ANKFN1: variants seen among roughly 807,000 people sequenced by gnomAD.
ANKFN1 encodes ankyrin repeat and fibronectin type-III domain-containing protein 1.
ANKFN1 carries 74 observed loss-of-function variants against 108.7 expected under a neutral mutation model. The observed-to-expected ratio is 0.68, with a 90% CI of 0.56 to 0.83. The LOEUF (loss-of-function observed/expected upper bound fraction) is 0.83. Ranked by LOEUF, ANKFN1 falls within the 40% of genes least tolerant of loss-of-function variation. The pLI is 0.00. For missense variants in ANKFN1, 1,505 were observed against 1,382.3 expected, an observed-to-expected ratio of 1.09 and a Z score of -1.41; for synonymous variants, 547 against 516.2, an observed-to-expected ratio of 1.06 and a Z score of -0.81.
intron 3 of ANKFN1, among the ~76,000 whole-genome samples, chr17:56,239,749 A>T (rs1169547933): frequency 1.3e-5 from 2 of 152,074 alleles, no homozygotes; most frequent in Non-Finnish European, 2.9e-5. Flanking sequence ...GAAGAAAAAA[A>T]ATTCACATGG....
chr17:56,207,833 C>T (rs1015357404), intron 1 of ANKFN1, among the ~76,000 whole-genome samples: 1 of 152,078 alleles, frequency 6.6e-6, no homozygotes, highest in Non-Finnish European at 1.5e-5. Context: ...TTTAGATCCT[C>T]CTTAATAATA....
rs906158354 is a variant in ANKFN1, at chr17:56,386,214, C to T, written c.910+11500C>T. On this transcript the variant is annotated intron_variant, in intron 8 of 20. Coordinates refer to ENST00000682825, the MANE Select transcript of ANKFN1 (RefSeq NM_001370326.1). The stretch of plus-strand genomic sequence containing the variant: ...GAAATCATCATTCTCAGTAAACTAT[C>T]GCAAGGACAAAAAACCAAACACCAT... Among the ~76,000 whole-genome samples, 119 of 151,624 alleles carry T rather than the reference C, an allele frequency of 7.8e-4. 3 individuals carry two copies. In the East Asian group the frequency reaches 0.018, roughly 23 times the overall value.
intron 8 of ANKFN1, among the ~76,000 whole-genome samples, chr17:56,387,887 A>G (rs1357092430): frequency 6.6e-6 from 1 of 152,154 alleles, no homozygotes; most frequent in African/African-American, 2.4e-5. Flanking sequence ...AAGGGTATAT[A>G]GTTAACTTAT....
chr17:56,076,775 C>A (rs962416971), intron 4 of ANKFN1, among the ~76,000 whole-genome samples: 1 of 151,998 alleles, frequency 6.6e-6, no homozygotes, highest in African/African-American at 2.4e-5. Flanking sequence ...TAATTATTAT[C>A]ATATGCAGGT....
chr17:56,254,879 C>T (rs1343001885), intron 3 of ANKFN1, among the ~76,000 whole-genome samples: 2 of 152,174 alleles, frequency 1.3e-5, no homozygotes, highest in East Asian at 3.9e-4. Context: ...GTAGCCATGG[C>T]TGCAAATATA....
At chr17:56,370,171 T>C (rs1315870836) in intron 6 of ANKFN1, among the ~76,000 whole-genome samples, 1 of 152,178 alleles carries the variant, frequency 6.6e-6, no homozygotes, top group Non-Finnish European at 1.5e-5. Context: ...GTAAATAATC[T>C]TGCAGAGCTC....
chr17:56,364,469 T>C lies in ANKFN1; in HGVS notation c.602-8177T>C, dbSNP rs1185486277. 1.3e-5 allele frequency among the ~76,000 whole-genome samples: 2 copies of C among 152,368 alleles called. 1 individual carries two copies. Among genetic ancestry groups the C allele is most frequent in the South Asian group, 4.1e-4 (2 of 4,832 alleles). ...ATTGTCATTACTAGGAAATTTTAAA[T>C]GATGTGGCTCACACTATATGTCTAT... is the stretch of plus-strand genomic sequence containing the variant. On this transcript the variant is annotated intron_variant, in intron 6 of 20. Transcript: ENST00000682825.
At chr17:56,259,382 G>A (rs2043443470) in intron 3 of ANKFN1, among the ~76,000 whole-genome samples, 1 of 152,198 alleles carries the variant, frequency 6.6e-6, no homozygotes, top group Admixed American at 6.5e-5. Flanking sequence ...AGAGATTAAT[G>A]TATATGATAT....
intron 3 of ANKFN1, among the ~76,000 whole-genome samples, chr17:56,309,250 A>T (rs1358094498): frequency 6.6e-6 from 1 of 152,178 alleles, no homozygotes; most frequent in Non-Finnish European, 1.5e-5. Context: ...GACAGTTAAA[A>T]TCATCCATTT....
In ANKFN1 at chr17:56,384,426, G is replaced by T. The variant is rs545514170; in HGVS notation, c.910+9712G>T. Among the ~76,000 whole-genome samples the T allele has an allele frequency of 5.3e-5, 8 of 152,286 alleles. No individual in the cohort carries two copies. In the South Asian group the frequency reaches 1.7e-3, roughly 32 times the overall value. ...CCCTTTGAAAACTGGCACAAGACAG[G>T]GATGCCCTCTCACCACTCCTATTCA... On this transcript the variant is annotated intron_variant, in intron 8 of 20. Coordinates refer to ENST00000682825, the MANE Select transcript of ANKFN1 (RefSeq NM_001370326.1).
At chr17:56,178,880 T>A (rs1367880867) in intron 1 of ANKFN1, among the ~76,000 whole-genome samples, 1 of 152,176 alleles carries the variant, frequency 6.6e-6, no homozygotes, top group Non-Finnish European at 1.5e-5. Flanking sequence ...TAAATGTCCC[T>A]TAAAACAGAT....
intron 3 of ANKFN1, among the ~76,000 whole-genome samples, chr17:56,299,364 G>T (rs2044607929): frequency 6.6e-6 from 1 of 152,094 alleles, no homozygotes; most frequent in Admixed American, 6.5e-5. Flanking sequence ...CAGCAGGAAG[G>T]ACTCTGACCC....
intron 3 of ANKFN1, among the ~76,000 whole-genome samples, chr17:56,240,479 A>G (rs1334772925): frequency 6.6e-6 from 1 of 152,102 alleles, no homozygotes; most frequent in African/African-American, 2.4e-5. Context: ...AATTTTTGCT[A>G]TAAAAAAATA....
intron 4 of ANKFN1, among the ~76,000 whole-genome samples, chr17:56,335,445 A>G (rs2045780435): frequency 6.6e-6 from 1 of 152,070 alleles, no homozygotes; most frequent in African/African-American, 2.4e-5. Flanking sequence ...TTCCCTTGTA[A>G]GTTGGATTCC....
chr17:56,503,285 A>G (rs921964237), intron 20 of ANKFN1, among the ~76,000 whole-genome samples: 2 of 151,912 alleles, frequency 1.3e-5, no homozygotes, highest in Non-Finnish European at 2.9e-5. Context: ...GATGATGTTA[A>G]GAGTACTATG....
intron 4 of ANKFN1, among the ~76,000 whole-genome samples, chr17:56,051,031 C>A (rs1904765286): frequency 9.8e-6 from 1 of 102,322 alleles, no homozygotes; most frequent in Non-Finnish European, 2.0e-5. Context: ...CTATTCCAAT[C>A]AATAGAAAAA....
intron 1 of ANKFN1, among the ~76,000 whole-genome samples, chr17:56,188,672 G>A (rs1328821384): frequency 7.1e-6 from 1 of 141,552 alleles, no homozygotes; most frequent in East Asian, 2.2e-4. Flanking sequence ...CTTGAAACAC[G>A]TATGCTTTTC....
chr17:56,056,539 T>C (rs975085677), intron 4 of ANKFN1, among the ~76,000 whole-genome samples: 3 of 152,186 alleles, frequency 2.0e-5, no homozygotes, highest in Non-Finnish European at 4.4e-5. Context: ...AATCAACTGA[T>C]CTTTGACAAA....
chr17:56,138,699 C>T (rs555471576), intron 4 of ANKFN1, among the ~76,000 whole-genome samples: 5 of 151,866 alleles, frequency 3.3e-5, no homozygotes, highest in South Asian at 4.2e-4. Context: ...TTGTTAGAGA[C>T]GGGGTTTCAT....
Sources: gnomAD v4.1 joint callset for allele counts (sites outside exome capture counted in the v4.1 genomes callset) on GRCh38, gnomAD v4.1.1 for gene constraint, MANE v1.5 for transcripts, NCBI Gene and HGNC (gene_info 2026-07-23, HGNC 2026-07-21) for gene names.